Variants in RHOBTB2 observed in about 807,000 individuals in gnomAD.
The protein encoded by RHOBTB2 is Rho related BTB domain containing 2.
RHOBTB2 carries 39 observed loss-of-function variants against 66.5 expected under a neutral mutation model. The observed-to-expected ratio is 0.59, with a 90% CI of 0.45 to 0.77. RHOBTB2 has a LOEUF of 0.77. Ranked by LOEUF, RHOBTB2 falls within the 30% of genes least tolerant of loss-of-function variation. The probability of loss-of-function intolerance (pLI) is 0.00; values close to 1 mark genes in which losing one functional copy is unlikely to be tolerated. For synonymous variants in RHOBTB2, 390 were observed against 395.0 expected, an observed-to-expected ratio of 0.99 and a Z score of 0.15; for missense variants, 755 against 999.1, an observed-to-expected ratio of 0.76 and a Z score of 3.29.
chr8:23,010,347 C>T (rs1314040409), intron 6 of RHOBTB2, among the ~76,000 whole-genome samples, 191 bp from the exon 7 acceptor site: 4 of 152,162 alleles, frequency 2.6e-5, no homozygotes, highest in Non-Finnish European at 5.9e-5. Flanking sequence ...AACTGGGGCT[C>T]AGCACAGGTT....
the RHOBTB2 span, among the ~76,000 whole-genome samples, chr8:22,952,352 C>A: frequency 6.6e-6 from 1 of 152,132 alleles, no homozygotes; most frequent in African/African-American, 2.4e-5. Context: ...GCCATGCATG[C>A]ATGCCAAGTC....
chr8:22,980,606 C>T, the RHOBTB2 span, among the ~76,000 whole-genome samples: 4 of 152,164 alleles, frequency 2.6e-5, no homozygotes, highest in Non-Finnish European at 5.9e-5. Context: ...CATTTAATCA[C>T]CAAATTCCTT....
chr8:22,961,875 G>A, the RHOBTB2 span, among the ~76,000 whole-genome samples: 1 of 152,188 alleles, frequency 6.6e-6, no homozygotes, highest in South Asian at 2.1e-4. Context: ...AACAATGTAA[G>A]GAAAGGTATA....
At chr8:23,015,797 A>G in intron 9 of RHOBTB2, 54 bp downstream of exon 9, 2 of 1,253,520 alleles carry the variant, frequency 1.6e-6, no homozygotes, top group Non-Finnish European at 2.3e-6. Flanking sequence ...TTAGGGGTGC[A>G]CAGCTCCCAT....
chr8:23,010,598 G>A lies in RHOBTB2; in HGVS notation c.1681G>A (p.Gly561Ser), dbSNP rs372306607. Residue 561 changes from glycine to serine, a missense_variant, in exon 7 of 10, where the codon GGC becomes AGC. Gly to Ser is a moderately conservative substitution (Grantham distance 56). Coordinates refer to ENST00000251822, the MANE Select transcript of RHOBTB2 (RefSeq NM_015178.3). ...MRAVLEYLYT[G>S]MFTSSPDLDD... ...GGCCGTGCTGGAATACCTCTACACC[G>A]GCATGTTCACCTCCAGCCCCGACCT... 7.9e-5 allele frequency: 128 copies of A among 1,614,088 alleles called. No homozygotes were observed. The highest frequency in any genetic ancestry group is 3.3e-4 in the Middle Eastern group (2 of 6,060).
rs371773374 is a variant in RHOBTB2, at chr8:23,017,384, G to A, written c.2099G>A (p.Arg700His). The A allele has an allele frequency of 2.9e-5, 47 of 1,614,030 alleles. No homozygotes were observed. In the Middle Eastern group the frequency reaches 4.9e-4, roughly 17 times the overall value. The change falls in exon 10 of 10, where the codon CGT becomes CAT. Residue 700 changes from arginine to histidine, a missense_variant. This residue lies in a region of RHOBTB2 where 353 missense variants were observed against 458.2 expected (regional missense o/e 0.77). Transcript: ENST00000251822. This position sits in a 1 kb window ranked among gnomAD's most constrained non-coding sequence, Gnocchi z 5.3. ...CACCTCAAGCGGCAGCCCAAACGGCGTTGGCTCTTCTGGAACAGTCCATCC... is the reference window on the plus strand; with the variant it reads ...CACCTCAAGCGGCAGCCCAAACGGCATTGGCTCTTCTGGAACAGTCCATCC... Reference protein sequence around the residue: ...YLHLKRQPKRRWLFWNSPSSP... With the variant: ...YLHLKRQPKRHWLFWNSPSSP...
the RHOBTB2 span, among the ~76,000 whole-genome samples, chr8:22,968,180 G>A: frequency 2.6e-5 from 4 of 151,632 alleles, no homozygotes; most frequent in Non-Finnish European, 5.9e-5. Context: ...TGTTAAAATG[G>A]TAAGTTTTAT....
rs138440467 is a variant in RHOBTB2 at position 23,012,767 on chromosome 8, C to T, written c.1772-1923C>T. Among the ~76,000 whole-genome samples the T allele has an allele frequency of 1.3e-3, 197 of 152,160 alleles. 1 individual carries two copies. Among genetic ancestry groups the T allele is most frequent in the African/African-American group, 4.5e-3 (187 of 41,514 alleles). On this transcript the variant is annotated intron_variant, in intron 7 of 9. Coordinates refer to ENST00000251822, the MANE Select transcript of RHOBTB2 (RefSeq NM_015178.3). ...CCAAGTACCTTGGACTATGGGCCTG[C>T]CTCATCACACCCAGCTAATTTTTAA... is the stretch of plus-strand genomic sequence containing the variant.
At position 23,015,631 on chromosome 8, in the gene RHOBTB2, T is replaced by C. The variant is rs1272029686; in HGVS notation, c.1861-7T>C. ...TCAGTACAGACGTTCTTCCCTTCTG[T>C]CCCCAGTTCCACTGTGCGTACCAGC... On this transcript the variant is annotated splice_region_variant and splice_polypyrimidine_tract_variant and intron_variant, in intron 8 of 9. Transcript: ENST00000251822. 5 of 1,601,492 alleles carry C rather than the reference T, an allele frequency of 3.1e-6. No individual in the cohort carries two copies. The South Asian group carries it at 5.5e-5, about 18-fold the overall frequency.
At chr8:22,974,179 C>T in the RHOBTB2 span, among the ~76,000 whole-genome samples, 29 of 152,190 alleles carry the variant, frequency 1.9e-4, no homozygotes, top group Admixed American at 6.5e-4. Flanking sequence ...GGAGGAAAGC[C>T]GGGAGGAAAG....
chr8:22,958,749 C>T, the RHOBTB2 span, among the ~76,000 whole-genome samples: 15 of 120,848 alleles, frequency 1.2e-4, no homozygotes, highest in Non-Finnish European at 1.9e-4. Context: ...CTGCAGTGAG[C>T]TGTATTTGCA....
chr8:23,010,437 A>T (rs957244403), intron 6 of RHOBTB2, 101 bp from the exon 7 acceptor site: 2 of 1,361,146 alleles, frequency 1.5e-6, no homozygotes, highest in African/African-American at 2.9e-5. Flanking sequence ...CGTCTGGGGG[A>T]GCCTGGGTGT....
upstream of RHOBTB2, among the ~76,000 whole-genome samples, chr8:22,987,149 G>C (rs900836014): frequency 2.6e-5 from 4 of 152,392 alleles, no homozygotes; most frequent in Non-Finnish European, 5.9e-5. Context: ...TGAGTCACCA[G>C]GGGCTGAGAA....
chr8:22,982,976 C>T (rs912583839), upstream of RHOBTB2, among the ~76,000 whole-genome samples: 4 of 152,182 alleles, frequency 2.6e-5, no homozygotes, highest in East Asian at 1.9e-4. Context: ...CCATTCCTGA[C>T]GGTGAAGCCC....
At chr8:22,991,968 A>AC (rs1810436622) in intron 1 of RHOBTB2, 1 of 152,238 alleles carries the variant, frequency 6.6e-6, no homozygotes, top group East Asian at 1.9e-4. Flanking sequence ...CAGATCCTGT[A>AC]CCCCTAGTCA....
At chr8:22,987,776 G>A (rs549464814) in intron 1 of RHOBTB2, among the ~76,000 whole-genome samples, 75 of 152,300 alleles carry the variant, frequency 4.9e-4, no homozygotes, top group Non-Finnish European at 2.9e-4. Flanking sequence ...ATCAAGGTGC[G>A]GTGGCCCCTG....
At chr8:23,002,541 A>G (rs1563289188) in intron 1 of RHOBTB2, among the ~76,000 whole-genome samples, 1 of 152,086 alleles carries the variant, frequency 6.6e-6, no homozygotes, top group African/African-American at 2.4e-5. Context: ...AAAATACAAA[A>G]TTAGCCGGCA....
At chr8:23,014,893 C>G (rs1206183452) in intron 8 of RHOBTB2, 115 bp downstream of exon 8, 1 of 834,844 alleles carries the variant, frequency 1.2e-6, no homozygotes, top group Non-Finnish European at 2.0e-6. Flanking sequence ...TGTCATCGGA[C>G]TGGGCTCTTT....
the RHOBTB2 span, among the ~76,000 whole-genome samples, chr8:22,953,733 C>G: frequency 6.6e-6 from 1 of 152,224 alleles, no homozygotes; most frequent in Admixed American, 6.5e-5. Context: ...AGTATGGGAG[C>G]TCCGGGAAAG....
Sources: allele counts gnomAD v4.1 joint callset (sites outside exome capture counted in the v4.1 genomes callset), GRCh38; gene constraint gnomAD v4.1.1; regional missense constraint gnomAD v4.1.1; non-coding constraint Gnocchi (gnomAD v3.1); transcripts MANE v1.5; gene names NCBI Gene and HGNC (gene_info 2026-07-23, HGNC 2026-07-21).